Variants in GALNT13 observed in about 807,000 individuals in gnomAD.
The protein encoded by GALNT13 is polypeptide N-acetylgalactosaminyltransferase 13, also known as UDP-GalNAc:polypeptide N-acetylgalactosaminyltransferase 13.
GALNT13 carries 28 observed loss-of-function variants against 64.2 expected under a neutral mutation model. The ratio of observed to expected loss-of-function variants is 0.44; its 90% confidence interval spans 0.32 to 0.60. The LOEUF is 0.60. Ranked by LOEUF, GALNT13 falls within the 20% of genes least tolerant of loss-of-function variation. GALNT13 has a pLI of 0.05. For missense variants in GALNT13, 577 were observed against 669.8 expected, an observed-to-expected ratio of 0.86 and a Z score of 1.53; for synonymous variants, 214 against 224.6, an observed-to-expected ratio of 0.95 and a Z score of 0.42.
At chr2:153,654,678 A>G in the GALNT13 span, among the ~76,000 whole-genome samples, 3 of 152,146 alleles carry the variant, frequency 2.0e-5, no homozygotes, top group African/African-American at 4.8e-5. Context: ...TAAAAATACA[A>G]CATAATTATT....
the GALNT13 span, among the ~76,000 whole-genome samples, chr2:153,592,351 A>C: frequency 3.8e-4 from 58 of 152,342 alleles, no homozygotes; most frequent in African/African-American, 1.3e-3. Context: ...ACTCAAAAGA[A>C]AATAAATCAG....
Position 153,940,625 on chromosome 2 carries a change from T to C in GALNT13, c.-104-3769T>C, listed in dbSNP as rs115265463. 5.0e-3 allele frequency among the ~76,000 whole-genome samples: 768 copies of C among 152,258 alleles called. 8 individuals are homozygous for C. Among genetic ancestry groups the C allele is most frequent in the African/African-American group, 0.018 (736 of 41,532 alleles). On this transcript the variant is annotated intron_variant, in intron 2 of 12. Coordinates refer to ENST00000392825, the MANE Select transcript of GALNT13 (RefSeq NM_052917.4). ...TTAGACCTGAAGCTAATTTATGGTA[T>C]TTTTTCAGGGCTTACTCACTACGTT...
chr2:153,760,634 G>T, the GALNT13 span, among the ~76,000 whole-genome samples: 1 of 152,180 alleles, frequency 6.6e-6, no homozygotes, highest in East Asian at 1.9e-4. Context: ...AATCTGTTCA[G>T]ACTTGTTTTG....
At chr2:153,222,866 G>C in the GALNT13 span, among the ~76,000 whole-genome samples, 1 of 152,314 alleles carries the variant, frequency 6.6e-6, no homozygotes, top group South Asian at 2.1e-4. Flanking sequence ...AGGGGTTTGG[G>C]GGTTTCCTGG....
chr2:153,569,526 T>TTA, the GALNT13 span, among the ~76,000 whole-genome samples: 117 of 149,214 alleles, frequency 7.8e-4, no homozygotes, highest in African/African-American at 2.5e-3. Flanking sequence ...CTTTTTTTTT[T>TTA]AAAAAAAATC....
At chr2:153,386,223 T>G in the GALNT13 span, among the ~76,000 whole-genome samples, 1 of 152,098 alleles carries the variant, frequency 6.6e-6, no homozygotes, top group African/African-American at 2.4e-5. Flanking sequence ...AATCTTAAAC[T>G]AATTGACTTA....
At chr2:154,327,516 A>G (rs956872789) in intron 9 of GALNT13, among the ~76,000 whole-genome samples, 3 of 152,116 alleles carry the variant, frequency 2.0e-5, no homozygotes, top group African/African-American at 7.2e-5. Context: ...TTCCCTAAAG[A>G]AACCTCTTGT....
intron 9 of GALNT13, among the ~76,000 whole-genome samples, chr2:154,327,337 T>C (rs544441591): frequency 6.6e-6 from 1 of 152,188 alleles, no homozygotes; most frequent in Admixed American, 6.5e-5. Context: ...TCTCAGGTAG[T>C]TATTTATAGT....
the GALNT13 span, among the ~76,000 whole-genome samples, chr2:153,684,897 A>G: frequency 6.6e-6 from 1 of 151,812 alleles, no homozygotes; most frequent in Non-Finnish European, 1.5e-5. Flanking sequence ...GAGTGTGAAC[A>G]CGCAGGATTT....
the GALNT13 span, among the ~76,000 whole-genome samples, chr2:153,119,736 C>T: frequency 2.0e-5 from 3 of 151,992 alleles, no homozygotes; most frequent in African/African-American, 7.2e-5. Flanking sequence ...CCTTGCCTGA[C>T]CCTTCAGAGA....
At chr2:154,431,046 A>T (rs1700688849) in intron 11 of GALNT13, among the ~76,000 whole-genome samples, 1 of 152,198 alleles carries the variant, frequency 6.6e-6, no homozygotes, top group African/African-American at 2.4e-5. Flanking sequence ...TAAATGCGAT[A>T]CTTGTTTTAT....
At chr2:153,510,401 G>C in the GALNT13 span, among the ~76,000 whole-genome samples, 1 of 152,160 alleles carries the variant, frequency 6.6e-6, no homozygotes, top group African/African-American at 2.4e-5. Context: ...TCTAGGATAA[G>C]CCAGGAACCA....
chr2:153,669,656 G>T, the GALNT13 span, among the ~76,000 whole-genome samples: 1 of 152,162 alleles, frequency 6.6e-6, no homozygotes, highest in Non-Finnish European at 1.5e-5. Flanking sequence ...GTGGTATCTT[G>T]TTCATCTCAC....
chr2:154,071,955 C>A (rs1464132050), intron 3 of GALNT13, among the ~76,000 whole-genome samples: 4 of 152,020 alleles, frequency 2.6e-5, no homozygotes, highest in Non-Finnish European at 5.9e-5. Flanking sequence ...GAGTGTTAGA[C>A]AAGCTTTGTT....
At chr2:153,351,807 T>A in the GALNT13 span, among the ~76,000 whole-genome samples, 1 of 152,198 alleles carries the variant, frequency 6.6e-6, no homozygotes, top group East Asian at 1.9e-4. Flanking sequence ...TCCTTTTTAG[T>A]GCTGAATAAT....
the GALNT13 span, among the ~76,000 whole-genome samples, chr2:153,555,120 C>T: frequency 6.2e-4 from 94 of 151,254 alleles, no homozygotes; most frequent in Admixed American, 1.7e-3. Context: ...AGAGAGAAAC[C>T]TTCATTGTCT....
chr2:153,562,848 T>A, the GALNT13 span, among the ~76,000 whole-genome samples: 23 of 152,166 alleles, frequency 1.5e-4, no homozygotes, highest in African/African-American at 5.5e-4. Context: ...TTTTGCCTAG[T>A]GCTAAATAAT....
intron 1 of GALNT13, among the ~76,000 whole-genome samples, chr2:153,878,259 A>C (rs1686529564): frequency 6.6e-6 from 1 of 152,116 alleles, no homozygotes; most frequent in South Asian, 2.1e-4. Flanking sequence ...CTCCCTGTAC[A>C]TTTTTCCACA....
chr2:153,469,074 A>T, the GALNT13 span, among the ~76,000 whole-genome samples: 1 of 152,146 alleles, frequency 6.6e-6, no homozygotes, highest in Non-Finnish European at 1.5e-5. Flanking sequence ...TCGTAAAGTT[A>T]TTCCTGAAAA....
Sources: gnomAD v4.1 joint callset for allele counts (sites outside exome capture counted in the v4.1 genomes callset) on GRCh38, gnomAD v4.1.1 for gene constraint, MANE v1.5 for transcripts, NCBI Gene and HGNC (gene_info 2026-07-23, HGNC 2026-07-21) for gene names.